Variants in NRXN1 observed in about 807,000 individuals in gnomAD.
NRXN1 encodes neurexin-1.
In NRXN1, 39 loss-of-function variants were observed where a neutral mutation model predicts 150.9. That is an observed-to-expected ratio of 0.26 (90% CI 0.20 to 0.34). The LOEUF (loss-of-function observed/expected upper bound fraction) is 0.34, where lower values mean the gene tolerates loss of function less well. Ranked by LOEUF, NRXN1 falls within the 10% of genes least tolerant of loss-of-function variation. The pLI is 1.00. For synonymous variants in NRXN1, 924 were observed against 757.0 expected, an observed-to-expected ratio of 1.22 and a Z score of -3.62; for missense variants, 1,815 against 1,949.9, an observed-to-expected ratio of 0.93 and a Z score of 1.30.
At chr2:50,623,110 A>T (rs901908009) in intron 6 of NRXN1, among the ~76,000 whole-genome samples, 28 of 152,142 alleles carry the variant, frequency 1.8e-4, no homozygotes, top group African/African-American at 6.8e-4. Flanking sequence ...ATGGCCCTGT[A>T]TCAAAATAGC....
At chr2:50,935,310 T>C (rs1230439562) in intron 2 of NRXN1, among the ~76,000 whole-genome samples, 7 of 152,218 alleles carry the variant, frequency 4.6e-5, no homozygotes, top group East Asian at 3.9e-4. Context: ...GATAAGGCAA[T>C]TGGATAAATG....
intron 18 of NRXN1, among the ~76,000 whole-genome samples, chr2:50,134,862 C>T (rs181495611): frequency 4.6e-5 from 7 of 152,248 alleles, no homozygotes; most frequent in South Asian, 2.1e-4. Flanking sequence ...TGAAATAGCA[C>T]GGCTGATATA....
At chr2:51,030,503 A>G (rs532337194) in intron 1 of NRXN1, among the ~76,000 whole-genome samples, 1 of 150,922 alleles carries the variant, frequency 6.6e-6, no homozygotes, top group Non-Finnish European at 1.5e-5. Context: ...AGTTCCTCCC[A>G]GATGAAATTG....
intron 5 of NRXN1, among the ~76,000 whole-genome samples, chr2:50,670,099 T>C (rs1039120786): frequency 2.0e-5 from 3 of 151,878 alleles, no homozygotes; most frequent in African/African-American, 7.2e-5. Context: ...TAGCTGCATA[T>C]ATTTATCTAG....
chr2:50,959,170 T>C (rs942412352), intron 2 of NRXN1, among the ~76,000 whole-genome samples: 18 of 152,074 alleles, frequency 1.2e-4, no homozygotes, highest in Non-Finnish European at 4.4e-5. Flanking sequence ...AAAATGTAAA[T>C]GATGCAACCC....
At position 51,017,503 on chromosome 2, in the gene NRXN1, C is replaced by CTTTTTTTTTTTTTTT. The variant is rs70958638; in HGVS notation, c.772+9984_772+9998dup. Among the ~76,000 whole-genome samples the CTTTTTTTTTTTTTTT allele has an allele frequency of 1.8e-4, 8 of 44,302 alleles. 3 individuals carry two copies. The highest frequency in any genetic ancestry group is 2.3e-4 in the Non-Finnish European group (6 of 26,326). The allele number at this position is 44,302 out of a possible 152,430, so 29.1% of individuals were successfully genotyped here. A position where few individuals can be genotyped will look rare whatever the true frequency, so the allele number is the denominator to read the frequency against. On this transcript the variant is annotated intron_variant, in intron 2 of 22. Coordinates refer to ENST00000401669, the MANE Select transcript of NRXN1 (RefSeq NM_001330078.2). ...ATACACGTATGGCCACCACATCTGG[C>CTTTTTTTTTTTTTTT]TTTTTTTTTTTTTTTTTTTTTTTTT...
intron 18 of NRXN1, among the ~76,000 whole-genome samples, chr2:50,097,420 A>C (rs1242218754): frequency 6.6e-6 from 1 of 152,128 alleles, no homozygotes; most frequent in African/African-American, 2.4e-5. Context: ...CCATAGTCCA[A>C]ATCTACATTG....
intron 5 of NRXN1, among the ~76,000 whole-genome samples, chr2:50,767,284 ATCTT>A (rs1329984052): frequency 6.6e-6 from 1 of 152,206 alleles, no homozygotes; most frequent in East Asian, 1.9e-4. Flanking sequence ...ACAATAATAT[ATCTT>A]TATTATTGCA....
chr2:50,418,728 G>C (rs914369985), intron 17 of NRXN1, among the ~76,000 whole-genome samples: 10 of 151,932 alleles, frequency 6.6e-5, no homozygotes, highest in African/African-American at 9.7e-5. Flanking sequence ...CATTATCAAT[G>C]TTTATGCTGT....
At chr2:50,538,080 A>G (rs1490402237) in intron 10 of NRXN1, among the ~76,000 whole-genome samples, 173 bp downstream of exon 10, 1 of 152,204 alleles carries the variant, frequency 6.6e-6, no homozygotes, top group Non-Finnish European at 1.5e-5. Flanking sequence ...AAGCTCTTTG[A>G]AAAACATTAA....
chr2:50,209,393 C>T (rs2062848233), intron 18 of NRXN1, among the ~76,000 whole-genome samples: 1 of 152,082 alleles, frequency 6.6e-6, no homozygotes, highest in South Asian at 2.1e-4. Flanking sequence ...ATGCTAGGCC[C>T]TTCACAGGCC....
chr2:49,936,961 G>A (rs1436707983), intron 22 of NRXN1, among the ~76,000 whole-genome samples: 1 of 152,140 alleles, frequency 6.6e-6, no homozygotes, highest in Non-Finnish European at 1.5e-5. Context: ...ACAAAGATAG[G>A]CTTCTTCCTG....
Position 50,127,763 on chromosome 2 carries a change from A to C in NRXN1, c.3547-36269T>G, listed in dbSNP as rs191786680. On this transcript the variant is annotated intron_variant, in intron 18 of 22. Coordinates refer to ENST00000401669, the MANE Select transcript of NRXN1 (RefSeq NM_001330078.2). ...TGCTTTGCTTTTGTTCTCATCAGAA[A>C]TAGTCCCTAAGTCTTAAATTGTGAT... 9.8e-5 allele frequency among the ~76,000 whole-genome samples: 15 copies of C among 152,320 alleles called. No individual in the cohort carries two copies. The East Asian group carries it at 2.9e-3, about 29-fold the overall frequency.
In NRXN1 at chr2:50,320,283, C is replaced by CATATATATAT. The variant is rs61282635; in HGVS notation, c.3365-83323_3365-83314dup. Among the ~76,000 whole-genome samples, 138 of 43,038 alleles carry CATATATATAT rather than the reference C, an allele frequency of 3.2e-3. 12 individuals carry two copies. The highest frequency in any genetic ancestry group is 5.9e-3 in the South Asian group (4 of 682). The allele number at this position is 43,038 out of a possible 152,430, so 28.2% of individuals were successfully genotyped here. A position where few individuals can be genotyped will look rare whatever the true frequency, so the allele number is the denominator to read the frequency against. On this transcript the variant is annotated intron_variant, in intron 17 of 22. Coordinates refer to ENST00000401669, the MANE Select transcript of NRXN1 (RefSeq NM_001330078.2). ...TATTCATTTATTCTTATACCTCAAT[C>CATATATATAT]ATATATATATATATATATATATATA...
intron 19 of NRXN1, among the ~76,000 whole-genome samples, chr2:50,061,811 G>C (rs916381728): frequency 2.6e-5 from 4 of 152,060 alleles, no homozygotes; most frequent in Admixed American, 2.6e-4. Flanking sequence ...TTGATCTGTT[G>C]GTACCTTCAC....
chr2:50,420,701 T>C (rs149057693), intron 17 of NRXN1, among the ~76,000 whole-genome samples: 65 of 152,178 alleles, frequency 4.3e-4, no homozygotes, highest in African/African-American at 1.4e-3. Context: ...ATCCACATAA[T>C]TTTCTGGTTG....
chr2:50,488,787 A>C (rs1227393114), intron 15 of NRXN1, among the ~76,000 whole-genome samples: 1 of 152,194 alleles, frequency 6.6e-6, no homozygotes, highest in Non-Finnish European at 1.5e-5. Flanking sequence ...TACTTGAATG[A>C]GAGAGATATT....
At chr2:50,882,263 A>G (rs1285863495) in intron 5 of NRXN1, among the ~76,000 whole-genome samples, 1 of 151,900 alleles carries the variant, frequency 6.6e-6, no homozygotes, top group Non-Finnish European at 1.5e-5. Flanking sequence ...AACATCACAC[A>G]TGGACAAACC....
chr2:50,986,422 T>C (rs921315995), intron 2 of NRXN1, among the ~76,000 whole-genome samples: 8 of 151,720 alleles, frequency 5.3e-5, no homozygotes, highest in African/African-American at 1.7e-4. Context: ...GTAAAAAACA[T>C]TGAAACAACC....
Sources: gnomAD v4.1 joint callset for allele counts (sites outside exome capture counted in the v4.1 genomes callset) on GRCh38, gnomAD v4.1.1 for gene constraint, MANE v1.5 for transcripts, NCBI Gene and HGNC (gene_info 2026-07-23, HGNC 2026-07-21) for gene names.